KLF8: variants seen among roughly 807,000 people sequenced by gnomAD.
KLF8 encodes the protein Krueppel-like factor 8.
Under a neutral mutation model 18.2 loss-of-function variants are expected in KLF8, and 10 were observed. The observed-to-expected ratio is 0.55, with a 90% CI of 0.34 to 0.93. KLF8 has a LOEUF of 0.93. KLF8 is among the 40% of genes least tolerant of loss of function. KLF8 has a pLI of 0.02. For synonymous variants in KLF8, 109 were observed against 97.3 expected, an observed-to-expected ratio of 1.12 and a Z score of -0.71; for missense variants, 264 against 277.9, an observed-to-expected ratio of 0.95 and a Z score of 0.36.
chrX:56,176,065 T>A, the KLF8 span, among the ~76,000 whole-genome samples: 1 of 111,989 alleles, frequency 8.9e-6, no homozygotes, highest in South Asian at 3.7e-4. Context: ...TGCCACTTGG[T>A]GTCTTTTAAT....
the KLF8 span, among the ~76,000 whole-genome samples, chrX:55,988,510 G>T: frequency 6.3e-5 from 7 of 111,428 alleles, no homozygotes; most frequent in Non-Finnish European, 1.3e-4. Flanking sequence ...TCAGATAGTT[G>T]TAGATATGCG....
the KLF8 span, among the ~76,000 whole-genome samples, chrX:56,104,649 T>A: frequency 5.4e-5 from 6 of 111,670 alleles, no homozygotes; most frequent in Non-Finnish European, 1.1e-4. Flanking sequence ...ATTTTGTTGA[T>A]CTTTTCAAAA....
chrX:56,095,538 A>G, the KLF8 span, among the ~76,000 whole-genome samples: 1 of 112,243 alleles, frequency 8.9e-6, no homozygotes, highest in Non-Finnish European at 1.9e-5. Flanking sequence ...TGGAAAATAT[A>G]TTTGCAAACT....
chrX:56,151,626 A>C, the KLF8 span, among the ~76,000 whole-genome samples: 2 of 110,896 alleles, frequency 1.8e-5, no homozygotes, highest in Non-Finnish European at 3.8e-5. Flanking sequence ...CAATGGGGGA[A>C]GAGTGCTTGG....
At chrX:56,027,243 G>A in the KLF8 span, among the ~76,000 whole-genome samples, 1 of 111,775 alleles carries the variant, frequency 8.9e-6, no homozygotes, top group South Asian at 3.8e-4. Context: ...GAGTAGGGGG[G>A]CTGTGACTGA....
the KLF8 span, among the ~76,000 whole-genome samples, chrX:56,138,540 C>T: frequency 9.0e-6 from 1 of 111,353 alleles, no homozygotes; most frequent in Non-Finnish European, 1.9e-5. Flanking sequence ...TGTGATTCAT[C>T]ACATCAATGG....
the KLF8 span, among the ~76,000 whole-genome samples, chrX:56,039,844 A>AT: frequency 9.0e-6 from 1 of 110,653 alleles, no homozygotes; most frequent in Non-Finnish European, 1.9e-5. Flanking sequence ...TATTATATTG[A>AT]TTTTTCTTAT....
the KLF8 span, among the ~76,000 whole-genome samples, chrX:56,190,798 C>T: frequency 9.0e-6 from 1 of 111,020 alleles, no homozygotes; most frequent in African/African-American, 3.3e-5. Flanking sequence ...ATACCAAAAC[C>T]TATGGGATAC....
At chrX:56,015,983 A>T in the KLF8 span, among the ~76,000 whole-genome samples, 1 of 112,407 alleles carries the variant, frequency 8.9e-6, no homozygotes, top group African/African-American at 3.2e-5. Flanking sequence ...GTGTGTACAT[A>T]TGTGTATGTG....
chrX:56,174,882 A>T, the KLF8 span, among the ~76,000 whole-genome samples: 3 of 111,827 alleles, frequency 2.7e-5, no homozygotes, highest in Middle Eastern at 4.6e-3. Context: ...GTTTATTTGC[A>T]TAGATGTGTT....
the KLF8 span, among the ~76,000 whole-genome samples, chrX:56,050,328 C>T: frequency 9.0e-6 from 1 of 111,213 alleles, no homozygotes; most frequent in Non-Finnish European, 1.9e-5. Context: ...TGTTTTTGCT[C>T]TTGCTTTTCT....
At chrX:56,213,279 GTTTTCTTTTCTTTTCTTTTC>G in the KLF8 span, among the ~76,000 whole-genome samples, 85 of 40,839 alleles carry the variant, frequency 2.1e-3, 3 homozygotes, top group African/African-American at 1.0e-2. Flanking sequence ...TTTTTCTTTT[GTTTTCTTTTCTTTTCTTTTC>G]TTTTCTTTTC....
chrX:56,052,247 C>T, the KLF8 span, among the ~76,000 whole-genome samples: 1 of 111,861 alleles, frequency 8.9e-6, no homozygotes. Context: ...ATTTGATCGT[C>T]TGAAGCCTTC....
At chrX:56,141,269 C>T in the KLF8 span, among the ~76,000 whole-genome samples, 58,624 of 111,018 alleles carry the variant, frequency 0.53, 13,617 homozygotes, top group Non-Finnish European at 0.73. Flanking sequence ...ACCCGGCCAG[C>T]ATTTGCTAAC....
At chrX:55,976,619 G>A in the KLF8 span, among the ~76,000 whole-genome samples, 391 of 108,698 alleles carry the variant, frequency 3.6e-3, 1 homozygote, top group Middle Eastern at 0.014. Flanking sequence ...TTGGCAGTTC[G>A]GCATGTTTTG....
At chrX:56,107,175 G>A in the KLF8 span, among the ~76,000 whole-genome samples, 5 of 112,012 alleles carry the variant, frequency 4.5e-5, no homozygotes, top group South Asian at 7.5e-4. Flanking sequence ...CACAGGGGTC[G>A]GGGACCCACT....
chrX:56,170,807 G>C, the KLF8 span, among the ~76,000 whole-genome samples: 1 of 111,352 alleles, frequency 9.0e-6, no homozygotes, highest in African/African-American at 3.3e-5. Context: ...ACTAGAAAAA[G>C]ATATCAGTAT....
the KLF8 span, among the ~76,000 whole-genome samples, chrX:56,202,559 T>TCTCCCCCC: frequency 1.3e-5 from 1 of 75,806 alleles, no homozygotes; most frequent in African/African-American, 4.8e-5. Flanking sequence ...CCATTAACCT[T>TCTCCCCCC]CCCCCCCCCT....
At chrX:55,988,487 G>C in the KLF8 span, among the ~76,000 whole-genome samples, 13 of 111,683 alleles carry the variant, frequency 1.2e-4, no homozygotes, top group African/African-American at 2.9e-4. Flanking sequence ...GTTTTTGTCA[G>C]GTTTGTCAAA....
Sources: allele counts gnomAD v4.1 joint callset (sites outside exome capture counted in the v4.1 genomes callset), GRCh38; gene constraint gnomAD v4.1.1; transcripts MANE v1.5; gene names NCBI Gene and HGNC (gene_info 2026-07-23, HGNC 2026-07-21).